GOLGA8S: variants seen among roughly 807,000 people sequenced by gnomAD.
GOLGA8S encodes the protein golgin A8 family member S, also known as golgin subfamily A member 8S.
GOLGA8S carries 23 observed loss-of-function variants against 58.9 expected under a neutral mutation model. The ratio of observed to expected loss-of-function variants is 0.39; its 90% confidence interval spans 0.28 to 0.55. GOLGA8S has a LOEUF of 0.55. GOLGA8S is among the 20% of genes least tolerant of loss of function. The pLI is 0.63. For synonymous variants in GOLGA8S, 84 were observed against 195.7 expected (o/e 0.43, Z 4.76); for missense variants, 266 against 514.2 (o/e 0.52, Z 4.67).
At position 23,362,815 on chromosome 15, in the gene GOLGA8S, C is replaced by G. The variant is rs938626003; in HGVS notation, c.1180-350C>G. ...CTGCAAACCAGCCACCATGTGCCCT[C>G]ACACCCAGGGTCTTCCTGCAGGTGG... On this transcript the variant is annotated intron_variant, in intron 13 of 18. Transcript: ENST00000562295. Among the ~76,000 whole-genome samples the G allele has an allele frequency of 6.3e-5, 9 of 143,742 alleles. 1 individual carries two copies. Among genetic ancestry groups the G allele is most frequent in the African/African-American group, 2.5e-4 (9 of 36,252 alleles). The allele number at this position is 143,742 out of a possible 152,430, so 94.3% of individuals were successfully genotyped here.
exon 15 of GOLGA8S, chr15:23,363,743 C>G (rs368975958): frequency 0.023 from 13,570 of 582,168 alleles, 3,376 homozygotes; most frequent in South Asian, 0.051. Context: ...TAGCATCCCA[C>G]AGGACCTGGA....
rs2069876505 is a variant in GOLGA8S at position 23,364,510 on chromosome 15, C to A, written c.1449-16C>A. 2 of 1,603,704 alleles carry A rather than the reference C, an allele frequency of 1.2e-6. No homozygotes were observed. Among genetic ancestry groups the A allele is most frequent in the Non-Finnish European group, 1.7e-6 (2 of 1,178,938 alleles). On this transcript the variant is annotated splice_polypyrimidine_tract_variant and intron_variant, in intron 16 of 18. Transcript: ENST00000562295. ...CGTCGGAGGGGCCCCAGCGTCTGAG[C>A]CCTGTCCTCCCGCAGGAAAATCCAT...
chr15:23,360,697 C>CCA (rs1445675031), intron 10 of GOLGA8S, 31 bp from the exon 11 acceptor site: 2 of 1,108,656 alleles, frequency 1.8e-6, no homozygotes, highest in East Asian at 4.7e-5. Context: ...GCCCCTCTCT[C>CCA]CAGGGCCCTT....
At chr15:23,364,219 G>T (rs1483207349) in intron 15 of GOLGA8S, 124 bp from the exon 16 acceptor site, 6 of 1,483,946 alleles carry the variant, frequency 4.0e-6, no homozygotes, top group Non-Finnish European at 5.5e-6. Context: ...GACCCACTGG[G>T]CCCTGCAGGA....
At chr15:23,361,449 A>T in exon 12 of GOLGA8S, 1 of 777,570 alleles carries the variant, frequency 1.3e-6, no homozygotes. Flanking sequence ...AACAGCTTCA[A>T]GGAGCTGGTG....
exon 12 of GOLGA8S, chr15:23,361,389 A>G (rs768557850): frequency 1.2e-6 from 1 of 814,368 alleles, no homozygotes; most frequent in Admixed American, 2.4e-5. Context: ...GAGCAGCAGG[A>G]GAGGCTTCCA....
chr15:23,365,685 C>G (rs1250055878), downstream of GOLGA8S: 1 of 174,104 alleles, frequency 5.7e-6, no homozygotes, highest in African/African-American at 2.4e-5. Flanking sequence ...GTTTAAAGGC[C>G]AAGAACTGGA....
downstream of GOLGA8S, chr15:23,366,490 G>T (rs1465813868): frequency 1.3e-5 from 2 of 151,982 alleles, no homozygotes; most frequent in African/African-American, 4.8e-5. Context: ...AAATCAAGGA[G>T]AAGTTTATGA....
chr15:23,357,992 G>T (rs1395614371), intron 4 of GOLGA8S, among the ~76,000 whole-genome samples: 1 of 147,592 alleles, frequency 6.8e-6, no homozygotes, highest in Admixed American at 6.8e-5. Context: ...ATGTTTCCAT[G>T]AAGTAGTGAG....
At chr15:23,365,440 A>C (rs920055796), downstream of GOLGA8S, 126 of 493,674 alleles carry the variant, frequency 2.6e-4, 1 homozygote, top group South Asian at 6.7e-4. Context: ...ACAAAGACCC[A>C]CTCTTTGCCC....
intron 1 of GOLGA8S, among the ~76,000 whole-genome samples, chr15:23,356,316 T>A (rs1233985386): frequency 1.4e-5 from 2 of 142,588 alleles, no homozygotes; most frequent in Non-Finnish European, 3.2e-5. Context: ...CTGGTTTTGG[T>A]CCCTGGCAGC....
At chr15:23,358,024 C>T (rs1204262256) in intron 4 of GOLGA8S, among the ~76,000 whole-genome samples, 2 of 150,618 alleles carry the variant, frequency 1.3e-5, no homozygotes, top group Non-Finnish European at 3.0e-5. Flanking sequence ...TCTGTTAGCT[C>T]TCGAGTCTGA....
exon 19 of GOLGA8S, chr15:23,365,046 T>C (rs1296101259): frequency 1.9e-6 from 3 of 1,581,226 alleles, no homozygotes; most frequent in East Asian, 4.5e-5. Context: ...CAGCCGATCG[T>C]GCAGGACCAC....
chr15:23,368,232 G>A (rs182973536), downstream of GOLGA8S, among the ~76,000 whole-genome samples: 3 of 152,036 alleles, frequency 2.0e-5, no homozygotes, highest in East Asian at 5.8e-4. Context: ...AATGTGTAAT[G>A]GAAATACTGA....
intron 10 of GOLGA8S, 90 bp from the exon 11 acceptor site, chr15:23,360,638 T>A: frequency 7.9e-7 from 1 of 1,265,902 alleles, no homozygotes; most frequent in East Asian, 2.3e-5. Flanking sequence ...GGGACTGGGC[T>A]TTGTGGAGGT....
At position 23,364,104 on chromosome 15, in the gene GOLGA8S, T is replaced by TA. The variant is rs754022203; in HGVS notation, c.1348-239_1348-238insA. ...CAAGAGCAGGTGAAAGAGCAGAGGG[T>TA]GGCTGCCAGCGCCTGGCTCACCTGG... On this transcript the variant is annotated intron_variant, in intron 15 of 18. Transcript: ENST00000562295. Among the ~76,000 whole-genome samples the TA allele has an allele frequency of 8.2e-4, 110 of 134,074 alleles. 7 individuals carry two copies. The highest frequency in any genetic ancestry group is 1.1e-3 in the African/African-American group (42 of 37,696). 88.0% of individuals were successfully genotyped at this position (134,074 alleles called of 152,430 possible). A position where few individuals can be genotyped will look rare whatever the true frequency, so the allele number is the denominator to read the frequency against.
intron 8 of GOLGA8S, among the ~76,000 whole-genome samples, chr15:23,359,873 C>T (rs530265092): frequency 6.8e-6 from 1 of 147,186 alleles, no homozygotes; most frequent in Non-Finnish European, 1.5e-5. Flanking sequence ...GTTTTTTCAT[C>T]TACACAATAG....
chr15:23,364,556 G>A lies in GOLGA8S; in HGVS notation c.1479G>A (p.Gly493=), dbSNP rs749905259. 2.5e-6 allele frequency: 4 copies of A among 1,591,646 alleles called. No individual in the cohort carries two copies. The East Asian group carries it at 8.9e-5, about 36-fold the overall frequency. ...TCCATCACCTTTTATCAGAACCAGGGGGCCGTGCCAAAGATGCGGCACTGG... is the reference window on the plus strand; with the variant it reads ...TCCATCACCTTTTATCAGAACCAGGAGGCCGTGCCAAAGATGCGGCACTGG... Residue 493 remains glycine, a synonymous_variant, in exon 17 of 19, where the codon GGG becomes GGA. Transcript: ENST00000562295.
downstream of GOLGA8S, chr15:23,365,146 A>C (rs78711474): frequency 8.1e-5 from 128 of 1,585,686 alleles, 5 homozygotes; most frequent in South Asian, 3.3e-4. Context: ...CATCACCATC[A>C]TCAAAGAGCT....
Sources: gnomAD v4.1 joint callset for allele counts (sites outside exome capture counted in the v4.1 genomes callset) on GRCh38, gnomAD v4.1.1 for gene constraint, MANE v1.5 for transcripts, NCBI Gene and HGNC (gene_info 2026-07-23, HGNC 2026-07-21) for gene names.